The following SIRPB2 variants were observed in gnomAD, a reference collection of about 807,000 sequenced individuals.
SIRPB2 encodes signal regulatory protein beta 2.
Under a neutral mutation model 27.1 loss-of-function variants are expected in SIRPB2, and 18 were observed. That is an observed-to-expected ratio of 0.66 (90% CI 0.46 to 0.98). The LOEUF is 0.98. SIRPB2 is among the 50% of genes least tolerant of loss of function. The pLI is 0.00. For synonymous variants in SIRPB2, 150 were observed against 164.6 expected (o/e 0.91, Z 0.68); for missense variants, 420 against 417.4 (o/e 1.01, Z -0.06).
rs953052068 is a variant in SIRPB2 at position 1,475,780 on chromosome 20, T to G, written c.*387A>C. On this transcript the variant is annotated 3_prime_UTR_variant, in exon 5 of 5. Coordinates refer to ENST00000359801, the MANE Select transcript of SIRPB2 (RefSeq NM_001122962.2). ...GGAGGGGCACAGATGGTCTGGCTGG[T>G]TGAGTTCAGAGATTCTTACAGACAT... The G allele has an allele frequency of 1.4e-4, 18 of 128,924 alleles. No individual in the cohort carries two copies. The highest frequency in any genetic ancestry group is 3.9e-4 in the South Asian group (2 of 5,188). The allele number at this position is 128,924 out of a possible 1,614,324, so 8.0% of individuals were successfully genotyped here.
At chr20:1,479,444 G>A in intron 2 of SIRPB2, 2 of 537,588 alleles carry the variant, frequency 3.7e-6, no homozygotes, top group Non-Finnish European at 6.7e-6. Context: ...TGAAGAGTTG[G>A]GACTGGGCTT....
At chr20:1,491,121 G>T (rs1427388535) in intron 1 of SIRPB2, among the ~76,000 whole-genome samples, 154 bp downstream of exon 1, 1 of 152,196 alleles carries the variant, frequency 6.6e-6, no homozygotes, top group Non-Finnish European at 1.5e-5. Flanking sequence ...GACACTGGGG[G>T]TGCCCTCTGC....
chr20:1,475,318 T>C lies in SIRPB2; in HGVS notation c.*849A>G, dbSNP rs1222083977. 1 of 152,208 alleles carries C rather than the reference T, an allele frequency of 6.6e-6. No homozygotes were observed. The highest frequency in any genetic ancestry group is 1.5e-5 in the Non-Finnish European group (1 of 68,056). 9.4% of individuals were successfully genotyped at this position (152,208 alleles called of 1,614,324 possible). A position where few individuals can be genotyped will look rare whatever the true frequency, so the allele number is the denominator to read the frequency against. On this transcript the variant is annotated 3_prime_UTR_variant, in exon 5 of 5. Coordinates refer to ENST00000359801, the MANE Select transcript of SIRPB2 (RefSeq NM_001122962.2). ...ATCCCCTGATATCTGCCATCTGGTT[T>C]CTCTAGTGAAAACTTGCAGCTGGGC...
At chr20:1,473,883 A>G (rs779782933), downstream of SIRPB2, 31 of 456,068 alleles carry the variant, frequency 6.8e-5, no homozygotes, top group South Asian at 4.8e-4. Context: ...GATAATTTAA[A>G]ACAACAGAAA....
At chr20:1,477,453 C>A in intron 3 of SIRPB2, 50 bp from the exon 4 acceptor site, 1 of 1,568,746 alleles carries the variant, frequency 6.4e-7, no homozygotes, top group South Asian at 1.2e-5. Flanking sequence ...TTATCTCCCA[C>A]CACTTCCTAA....
chr20:1,473,851 T>C, downstream of SIRPB2: 1 of 456,314 alleles, frequency 2.2e-6, no homozygotes, highest in Non-Finnish European at 4.4e-6. Context: ...CCGTGGCCGC[T>C]GTAACAGATC....
intron 2 of SIRPB2, 140 bp downstream of exon 2, chr20:1,479,560 A>C (rs2090645101): frequency 3.1e-6 from 4 of 1,310,712 alleles, no homozygotes; most frequent in Admixed American, 4.3e-5. Flanking sequence ...GCCACATGTA[A>C]ATGTGCATGT....
chr20:1,487,861 A>G (rs999584357), intron 1 of SIRPB2, among the ~76,000 whole-genome samples: 5 of 152,208 alleles, frequency 3.3e-5, no homozygotes, highest in Admixed American at 3.3e-4. Context: ...AGTTTTTTCA[A>G]CAATGGTGCA....
In SIRPB2 at chr20:1,478,385, A is replaced by C; in HGVS notation, c.674T>G (p.Phe225Cys). The change falls in exon 3 of 5, where the codon TTC becomes TGC. Residue 225 changes from phenylalanine (F) to cysteine (C), a missense_variant. Transcript: ENST00000359801. The part of the protein sequence containing the change: ...ETAVQASNND[F>C]SILLQNVSSE... ...GGAGACGTTTTGCAGAAGAATGCTG[A>C]AGTCATTGTTGGAGGCCTGCACCGC... 6.2e-7 allele frequency: 1 copy of C among 1,614,186 alleles called. No homozygotes were observed. The highest frequency in any genetic ancestry group is 8.5e-7 in the Non-Finnish European group (1 of 1,180,032).
rs148416151 is a variant in SIRPB2 at position 1,478,204 on chromosome 20, A to G, written c.793+62T>C. 2,299 of 1,500,530 alleles carry G rather than the reference A, an allele frequency of 1.5e-3. 21 individuals carry two copies. The African/African-American group carries it at 0.022, about 15-fold the overall frequency. 93.0% of individuals were successfully genotyped at this position (1,500,530 alleles called of 1,614,324 possible). A position where few individuals can be genotyped will look rare whatever the true frequency, so the allele number is the denominator to read the frequency against. Reference sequence around the variant, plus strand: ...AAGAACTGGCTTGTTCGGGACATGTAGAAAAATTCCTGTTGAATACCTGCT... The same window carrying G: ...AAGAACTGGCTTGTTCGGGACATGTGGAAAAATTCCTGTTGAATACCTGCT... On this transcript the variant is annotated intron_variant, in intron 3 of 4. Transcript: ENST00000359801.
chr20:1,473,009 C>A (rs1451049735), downstream of SIRPB2: 1 of 152,306 alleles, frequency 6.6e-6, no homozygotes, highest in Non-Finnish European at 1.5e-5. Flanking sequence ...CTCTTCTGTC[C>A]ACCCTGCATA....
intron 1 of SIRPB2, among the ~76,000 whole-genome samples, chr20:1,485,631 A>AACAC (rs752900716): frequency 2.8e-5 from 4 of 141,516 alleles, no homozygotes; most frequent in Non-Finnish European, 3.0e-5. Context: ...AATACAGTAG[A>AACAC]ACACACACAC....
intron 2 of SIRPB2, chr20:1,479,436 A>C: frequency 1.9e-6 from 1 of 515,930 alleles, no homozygotes; most frequent in Admixed American, 3.3e-5. Flanking sequence ...GGTGTACTTG[A>C]AGAGTTGGGA....
downstream of SIRPB2, among the ~76,000 whole-genome samples, chr20:1,472,158 G>A (rs936266167): frequency 6.6e-6 from 1 of 152,102 alleles, no homozygotes; most frequent in African/African-American, 2.4e-5. Flanking sequence ...CCCCTGCTCT[G>A]TCTTTGGTGG....
At chr20:1,472,269 A>G (rs989084367), downstream of SIRPB2, among the ~76,000 whole-genome samples, 3 of 152,222 alleles carry the variant, frequency 2.0e-5, no homozygotes, top group African/African-American at 7.2e-5. Context: ...ATCTGTGGTC[A>G]GCAGGTTTCC....
chr20:1,484,276 A>G (rs765748561), intron 1 of SIRPB2, among the ~76,000 whole-genome samples: 11 of 152,220 alleles, frequency 7.2e-5, no homozygotes, highest in Non-Finnish European at 1.6e-4. Context: ...ACTCCAGGAC[A>G]CTGGTATAGG....
intron 1 of SIRPB2, among the ~76,000 whole-genome samples, chr20:1,480,721 C>T (rs1175600913): frequency 6.6e-6 from 1 of 152,128 alleles, no homozygotes; most frequent in Non-Finnish European, 1.5e-5. Flanking sequence ...TTCCAGCCTC[C>T]AGAATTGTGA....
intron 1 of SIRPB2, among the ~76,000 whole-genome samples, chr20:1,488,674 T>A (rs1384094457): frequency 2.6e-5 from 4 of 152,070 alleles, no homozygotes; most frequent in Non-Finnish European, 4.4e-5. Flanking sequence ...AGTAAGATAT[T>A]ACTATGTACC....
chr20:1,478,750 G>A (rs1176989350), intron 2 of SIRPB2, 143 bp from the exon 3 acceptor site: 10 of 661,694 alleles, frequency 1.5e-5, no homozygotes, highest in Non-Finnish European at 5.0e-6. Flanking sequence ...TTACTCACCA[G>A]TTGACTCATT....
Sources: allele counts gnomAD v4.1 joint callset (sites outside exome capture counted in the v4.1 genomes callset), GRCh38; gene constraint gnomAD v4.1.1; transcripts MANE v1.5; gene names NCBI Gene and HGNC (gene_info 2026-07-23, HGNC 2026-07-21).